KLHL4: variants seen among roughly 807,000 people sequenced by gnomAD.
KLHL4 encodes the protein kelch like family member 4.
KLHL4 carries 17 observed loss-of-function variants against 45.8 expected under a neutral mutation model. The observed-to-expected ratio is 0.37, with a 90% CI of 0.25 to 0.56. The LOEUF (loss-of-function observed/expected upper bound fraction) is 0.56. KLHL4 is among the 20% of genes least tolerant of loss of function. The probability of loss-of-function intolerance (pLI) is 0.79; values close to 1 mark genes in which losing one functional copy is unlikely to be tolerated. For missense variants in KLHL4, 544 were observed against 544.9 expected (o/e 1.00, Z 0.02); for synonymous variants, 224 against 189.9 (o/e 1.18, Z -1.47).
At chrX:87,548,232 T>G (rs5969250) in intron 1 of KLHL4, among the ~76,000 whole-genome samples, 27,898 of 110,705 alleles carry the variant, frequency 0.25, 2,989 homozygotes, top group East Asian at 0.51. Context: ...CTGAAAAAAC[T>G]TTTACCCTAG....
At chrX:87,647,380 C>T (rs1030715457) in intron 9 of KLHL4, among the ~76,000 whole-genome samples, 2 of 111,639 alleles carry the variant, frequency 1.8e-5, no homozygotes, top group African/African-American at 6.5e-5. Flanking sequence ...CAATCCCACT[C>T]CTGGGTATCT....
At chrX:87,603,264 C>T (rs1482600892) in intron 1 of KLHL4, among the ~76,000 whole-genome samples, 2 of 111,519 alleles carry the variant, frequency 1.8e-5, no homozygotes, top group African/African-American at 6.5e-5. Context: ...TGTGTAAGAA[C>T]TTGGGAGGCA....
intron 9 of KLHL4, among the ~76,000 whole-genome samples, chrX:87,638,419 A>G (rs1384430581): frequency 8.9e-6 from 1 of 111,866 alleles, no homozygotes; most frequent in Non-Finnish European, 1.9e-5. Flanking sequence ...AAAACAAAGG[A>G]AATAATCTTA....
chrX:87,633,757 A>C lies in KLHL4; in HGVS notation c.1558A>C (p.Thr520Pro). ...STHRHGLGVA[T>P]LEGPMYAVGG... ...TATTTTAATTTTTTTAGGTGTAGCC[A>C]CTCTTGAAGGACCAATGTATGCTGT... The change falls in exon 8 of 11, where the codon ACT becomes CCT. Residue 520 changes from threonine to proline, a missense_variant. Thr to Pro is a conservative substitution (Grantham distance 38). Coordinates refer to ENST00000373119, the MANE Select transcript of KLHL4 (RefSeq NM_019117.5). 3 of 1,189,635 alleles carry C rather than the reference A, an allele frequency of 2.5e-6. No homozygotes were observed. The highest frequency in any genetic ancestry group is 3.4e-6 in the Non-Finnish European group (3 of 884,884).
chrX:87,617,026 T>A (rs753471376), intron 3 of KLHL4, among the ~76,000 whole-genome samples: 36 of 111,907 alleles, frequency 3.2e-4, no homozygotes, highest in African/African-American at 1.1e-3. Context: ...TTTGAAACAT[T>A]CTTTATAACT....
Position 87,669,357 on chromosome X carries a change from A to G in KLHL4, c.*2823A>G, listed in dbSNP as rs755655943. 9.1e-6 allele frequency: 11 copies of G among 1,207,586 alleles called. No homozygotes were observed. The highest frequency in any genetic ancestry group is 1.8e-5 in the South Asian group (1 of 56,848). ...ATGCAAGAACTTCTACAAAACTTCT[A>G]TACCACACAGAAGCTGAAAGAGACT... On this transcript the variant is annotated 3_prime_UTR_variant, in exon 11 of 11. Transcript: ENST00000373119.
Position 87,618,046 on chromosome X carries a change from C to T in KLHL4, c.842C>T (p.Pro281Leu), listed in dbSNP as rs1922620581. 1 of 1,209,044 alleles carries T rather than the reference C, an allele frequency of 8.3e-7. No homozygotes were observed. The highest frequency in any genetic ancestry group is 1.1e-6 in the Non-Finnish European group (1 of 894,530). ...AATTTTCTCATAAAGCAGCTCCATCCTTCAAACTGCTTAGGGATTCGATCA... is the reference window on the plus strand; with the variant it reads ...AATTTTCTCATAAAGCAGCTCCATCTTTCAAACTGCTTAGGGATTCGATCA... ...CSNFLIKQLH[P>L]SNCLGIRSFG... The change falls in exon 4 of 11, where the codon CCT becomes CTT. Residue 281 changes from proline to leucine, a missense_variant. By Grantham distance (98) the Pro-to-Leu change is moderately conservative. Coordinates refer to ENST00000373119, the MANE Select transcript of KLHL4 (RefSeq NM_019117.5).
intron 1 of KLHL4, among the ~76,000 whole-genome samples, chrX:87,540,450 ATAAG>A (rs1195557235): frequency 6.7e-4 from 75 of 111,918 alleles, no homozygotes; most frequent in Non-Finnish European, 1.3e-3. Context: ...TCTTTATTCT[ATAAG>A]TATTTTTCTG....
chrX:87,656,994 G>A (rs536907888), intron 9 of KLHL4, among the ~76,000 whole-genome samples: 2 of 111,920 alleles, frequency 1.8e-5, no homozygotes, highest in South Asian at 7.5e-4. Flanking sequence ...CCTTAGTGTG[G>A]TGATTTTCTG....
chrX:87,555,303 C>T (rs1431631320), intron 1 of KLHL4, among the ~76,000 whole-genome samples: 3 of 109,819 alleles, frequency 2.7e-5, no homozygotes, highest in Admixed American at 9.9e-5. Context: ...GTGCCAGTTC[C>T]TCCTTGTACC....
intron 1 of KLHL4, among the ~76,000 whole-genome samples, chrX:87,526,765 G>A (rs1196454991): frequency 8.9e-6 from 1 of 111,814 alleles, no homozygotes; most frequent in African/African-American, 3.2e-5. Context: ...ACATATATTG[G>A]AGAAGACTAC....
chrX:87,605,153 T>A (rs1922150644), intron 1 of KLHL4, among the ~76,000 whole-genome samples: 2 of 111,875 alleles, frequency 1.8e-5, no homozygotes, highest in African/African-American at 6.5e-5. Flanking sequence ...TCATACTTTG[T>A]TGATTACTAT....
rs1222370307 is a variant in KLHL4 at position 87,614,452 on chromosome X, G to A, written c.609G>A (p.Val203=). ...IPAHRLVLSA[V]SDYFAAMFTN... The stretch of plus-strand genomic sequence containing the variant: ...TTTCCAGGTTGGTTCTCAGCGCAGT[G>A]TCTGATTATTTTGCTGCAATGTTTA... The change falls in exon 3 of 11, where the codon GTG becomes GTA. Residue 203 remains valine (V), a synonymous_variant. Transcript: ENST00000373119. 8.3e-7 allele frequency: 1 copy of A among 1,208,659 alleles called. No homozygotes were observed. Among genetic ancestry groups the A allele is most frequent in the East Asian group, 3.0e-5 (1 of 33,762 alleles).
At chrX:87,607,425 CT>C (rs1257682548) in intron 1 of KLHL4, among the ~76,000 whole-genome samples, 1 of 111,281 alleles carries the variant, frequency 9.0e-6, no homozygotes, top group African/African-American at 3.3e-5. Context: ...AACCCACTAA[CT>C]TTCACACATA....
intron 4 of KLHL4, among the ~76,000 whole-genome samples, chrX:87,621,551 G>A (rs747723115): frequency 2.8e-5 from 3 of 106,792 alleles, no homozygotes; most frequent in South Asian, 3.9e-4. Flanking sequence ...AATATTAGCC[G>A]GGGATAATAT....
In KLHL4 at chrX:87,518,143, C is replaced by A; in HGVS notation, c.250C>A (p.His84Asn). 2 of 1,211,818 alleles carry A rather than the reference C, an allele frequency of 1.7e-6. No individual in the cohort carries two copies. The highest frequency in any genetic ancestry group is 2.2e-6 in the Non-Finnish European group (2 of 895,506). The change falls in exon 1 of 11, where the codon CAT becomes AAT. Residue 84 changes from histidine (H) to asparagine (N), a missense_variant. Coordinates refer to ENST00000373119, the MANE Select transcript of KLHL4 (RefSeq NM_019117.5). Reference sequence around the variant, plus strand: ...ACCAGTGCCAGGACCGGCCCCTGCCCATCAGAGAGCCGTTCAGAATTTGCA... The same window carrying A: ...ACCAGTGCCAGGACCGGCCCCTGCCAATCAGAGAGCCGTTCAGAATTTGCA... Reference protein sequence around the residue: ...LAPVPGPAPAHQRAVQNLQQH... With the variant: ...LAPVPGPAPANQRAVQNLQQH...
intron 1 of KLHL4, among the ~76,000 whole-genome samples, chrX:87,541,577 T>A (rs1473650555): frequency 1.8e-5 from 2 of 109,679 alleles, no homozygotes; most frequent in African/African-American, 6.7e-5. Context: ...GGTGCTTGCT[T>A]CCCTTTCACC....
intron 9 of KLHL4, among the ~76,000 whole-genome samples, chrX:87,649,992 T>C (rs1923757041): frequency 9.0e-6 from 1 of 111,385 alleles, no homozygotes; most frequent in African/African-American, 3.3e-5. Context: ...TTTGCTACTT[T>C]GGGTCTCTTG....
intron 4 of KLHL4, among the ~76,000 whole-genome samples, chrX:87,620,863 A>T (rs953137702): frequency 5.3e-5 from 6 of 112,512 alleles, no homozygotes; most frequent in Admixed American, 3.8e-4. Flanking sequence ...AGAAATCAGT[A>T]AAGTGTGAAG....
Sources: allele counts gnomAD v4.1 joint callset (sites outside exome capture counted in the v4.1 genomes callset), GRCh38; gene constraint gnomAD v4.1.1; transcripts MANE v1.5; gene names NCBI Gene and HGNC (gene_info 2026-07-23, HGNC 2026-07-21).